Variants in SLIT3 observed in about 807,000 individuals in gnomAD.
SLIT3 encodes the protein slit homolog 3 protein.
A neutral mutation model predicts 184.0 loss-of-function variants in SLIT3; 68 were observed. The observed-to-expected ratio is 0.37, with a 90% CI of 0.30 to 0.45. The LOEUF (loss-of-function observed/expected upper bound fraction) is 0.45. Ranked by LOEUF, SLIT3 falls within the 20% of genes least tolerant of loss-of-function variation. SLIT3 has a pLI of 1.00. For synonymous variants in SLIT3, 831 were observed against 828.6 expected (o/e 1.00, Z -0.05); for missense variants, 1,707 against 2,026.0 (o/e 0.84, Z 3.02).
At position 168,740,234 on chromosome 5, in the gene SLIT3, T is replaced by G. The variant is rs57956276; in HGVS notation, c.2270+8068A>C. Among the ~76,000 whole-genome samples, 4 of 152,196 alleles carry G rather than the reference T, an allele frequency of 2.6e-5. No individual in the cohort carries two copies. The East Asian group carries it at 7.7e-4, about 29-fold the overall frequency. Reference sequence around the variant, plus strand: ...CAAAGAGCACTTGCAAGACTGAATGTGAGAATGAGGCTCAGTTTGGCTTGA... The same window carrying G: ...CAAAGAGCACTTGCAAGACTGAATGGGAGAATGAGGCTCAGTTTGGCTTGA... On this transcript the variant is annotated intron_variant, in intron 20 of 35. Coordinates refer to ENST00000519560, the MANE Select transcript of SLIT3 (RefSeq NM_003062.4).
intron 9 of SLIT3, among the ~76,000 whole-genome samples, chr5:168,801,099 C>G (rs909453568): frequency 2.1e-4 from 32 of 152,260 alleles, no homozygotes; most frequent in African/African-American, 7.2e-4. Flanking sequence ...ATTCGAACCC[C>G]CAAGTGTGGA....
chr5:168,854,759 C>G (rs1310746730), intron 5 of SLIT3, among the ~76,000 whole-genome samples: 1 of 152,198 alleles, frequency 6.6e-6, no homozygotes, highest in Non-Finnish European at 1.5e-5. Context: ...AGGAACAGGA[C>G]AGCAGTAACC....
chr5:169,141,096 G>A (rs1235564241), intron 4 of SLIT3, among the ~76,000 whole-genome samples: 7 of 152,064 alleles, frequency 4.6e-5, no homozygotes, highest in Non-Finnish European at 1.0e-4. Context: ...TATCCTTCAA[G>A]ACTCAGCTCG....
chr5:168,827,098 C>T (rs918424243), intron 6 of SLIT3, among the ~76,000 whole-genome samples: 2 of 152,160 alleles, frequency 1.3e-5, no homozygotes, highest in African/African-American at 4.8e-5. Context: ...AATTATCCCA[C>T]GAGGCAGGGA....
At chr5:169,135,214 C>A (rs751308579) in intron 4 of SLIT3, among the ~76,000 whole-genome samples, 51 of 152,308 alleles carry the variant, frequency 3.3e-4, no homozygotes, top group Non-Finnish European at 6.2e-4. Context: ...TCAAGCAATT[C>A]TCCTGTCTCA....
chr5:168,669,962 C>A lies in SLIT3; in HGVS notation c.4157G>T (p.Gly1386Val). 1 of 1,614,136 alleles carries A rather than the reference C, an allele frequency of 6.2e-7. No individual in the cohort carries two copies. The highest frequency in any genetic ancestry group is 8.5e-7 in the Non-Finnish European group (1 of 1,180,018). The change falls in exon 35 of 36, where the codon GGG becomes GTG. Residue 1386 changes from glycine to valine, a missense_variant. This residue lies in a region of SLIT3 where 387 missense variants were observed against 477.9 expected (regional missense o/e 0.81). Transcript: ENST00000519560. ...GGCACACTTGCACATGTATGAGGTC[C>A]CAGTTGCCACACATTTTCCATGGTG... ...RCHHGKCVAT[G>V]TSYMCKCAEG...
At chr5:168,763,512 G>A (rs1256140823) in intron 14 of SLIT3, among the ~76,000 whole-genome samples, 2 of 152,174 alleles carry the variant, frequency 1.3e-5, no homozygotes, top group Non-Finnish European at 2.9e-5. Context: ...TAACTATAGT[G>A]AAAGGCACGT....
intron 4 of SLIT3, among the ~76,000 whole-genome samples, chr5:169,027,944 G>A (rs551589628): frequency 6.6e-6 from 1 of 152,316 alleles, no homozygotes; most frequent in South Asian, 2.1e-4. Flanking sequence ...TGGCAGGAGG[G>A]AGAGTGGTTT....
At chr5:169,193,142 C>T (rs1189128094) in intron 4 of SLIT3, among the ~76,000 whole-genome samples, 1 of 152,162 alleles carries the variant, frequency 6.6e-6, no homozygotes, top group African/African-American at 2.4e-5. Context: ...TGTGAATAAA[C>T]CTATCTCAAA....
chr5:168,844,679 T>G (rs376476509), intron 5 of SLIT3, 24 bp from the exon 6 acceptor site: 1 of 1,613,198 alleles, frequency 6.2e-7, no homozygotes, highest in South Asian at 1.1e-5. Context: ...GGGGAGAGCA[T>G]GAAGGCTGAG....
intron 4 of SLIT3, among the ~76,000 whole-genome samples, chr5:169,108,353 G>C (rs60243343): frequency 6.6e-6 from 1 of 152,182 alleles, no homozygotes; most frequent in Admixed American, 6.5e-5. Context: ...GATATAGACA[G>C]AGCTGGCACA....
chr5:169,098,924 G>A (rs547551192), intron 4 of SLIT3, among the ~76,000 whole-genome samples: 1 of 152,142 alleles, frequency 6.6e-6, no homozygotes, highest in East Asian at 1.9e-4. Flanking sequence ...ACACACCTGG[G>A]CCGGCAGAAA....
intron 4 of SLIT3, among the ~76,000 whole-genome samples, chr5:168,991,423 C>CAGCCCCAGGCTTGGGAGGGGACACGGG (rs1755323197): frequency 6.6e-6 from 1 of 152,220 alleles, no homozygotes; most frequent in African/African-American, 2.4e-5. Context: ...GGAGAGCCTA[C>CAGCCCCAGGCTTGGGAGGGGACACGGG]AGCCCCAGGC....
At chr5:169,200,456 T>C (rs1049351646) in intron 3 of SLIT3, among the ~76,000 whole-genome samples, 3 of 152,184 alleles carry the variant, frequency 2.0e-5, no homozygotes, top group Non-Finnish European at 4.4e-5. Context: ...CTTTGTTATC[T>C]AGTGCAAAAG....
intron 4 of SLIT3, among the ~76,000 whole-genome samples, chr5:168,933,127 G>C (rs775095218): frequency 6.6e-6 from 1 of 152,172 alleles, no homozygotes; most frequent in Non-Finnish European, 1.5e-5. Flanking sequence ...ATGTGCAGGG[G>C]GGTGGTGAAA....
chr5:169,067,797 T>C (rs2113115464), intron 4 of SLIT3, among the ~76,000 whole-genome samples: 1 of 152,324 alleles, frequency 6.6e-6, no homozygotes, highest in South Asian at 2.1e-4. Flanking sequence ...TTCCTATGTC[T>C]GCAGGCTTCC....
intron 4 of SLIT3, among the ~76,000 whole-genome samples, chr5:168,897,646 G>GCGCGCGCGCGCGCACACACACACACA: frequency 3.8e-5 from 4 of 105,382 alleles, no homozygotes; most frequent in Non-Finnish European, 7.8e-5. Context: ...ACAGGTGCAC[G>GCGCGCGCGCGCGCACACACACACACA]TACACACACA....
Position 169,182,774 on chromosome 5 carries a change from A to C in SLIT3, c.413+10705T>G, listed in dbSNP as rs72833937. The stretch of plus-strand genomic sequence containing the variant: ...TCTATATACAATGCAGTATTTCCCT[A>C]ATATTTAATTCCATGGATAGTTTCT... On this transcript the variant is annotated intron_variant, in intron 4 of 35. Coordinates refer to ENST00000519560, the MANE Select transcript of SLIT3 (RefSeq NM_003062.4). 1.2e-3 allele frequency among the ~76,000 whole-genome samples: 182 copies of C among 152,336 alleles called. 1 individual carries two copies. Among genetic ancestry groups the C allele is most frequent in the Admixed American group, 4.2e-3 (65 of 15,302 alleles).
chr5:168,692,559 G>A, intron 29 of SLIT3, 48 bp downstream of exon 29: 2 of 1,318,476 alleles, frequency 1.5e-6, no homozygotes, highest in East Asian at 4.6e-5. Flanking sequence ...ACTGTTAGAG[G>A]CAGAGTTTTC....
Sources: allele counts gnomAD v4.1 joint callset (sites outside exome capture counted in the v4.1 genomes callset), GRCh38; gene constraint gnomAD v4.1.1; regional missense constraint gnomAD v4.1.1; transcripts MANE v1.5; gene names NCBI Gene and HGNC (gene_info 2026-07-23, HGNC 2026-07-21).